Variants in CNOT7 observed in about 807,000 individuals in gnomAD.
CNOT7 encodes BTG1-binding factor 1.
In CNOT7, 4 loss-of-function variants were observed where a neutral mutation model predicts 37.1. The ratio of observed to expected loss-of-function variants is 0.11; its 90% CI spans 0.05 to 0.25. The LOEUF is 0.25. CNOT7 is among the 10% of genes least tolerant of loss of function. CNOT7 has a pLI of 1.00. For synonymous variants in CNOT7, 128 were observed against 115.6 expected (o/e 1.11, Z -0.69); for missense variants, 170 against 336.2 (o/e 0.51, Z 3.87).
At position 17,243,403 on chromosome 8, in the gene CNOT7, T is replaced by C. The variant is rs1810457555; in HGVS notation, c.118-218A>G. The C allele has an allele frequency of 6.3e-6, 4 of 636,008 alleles. No homozygotes were observed. In the South Asian group the frequency reaches 6.6e-5, roughly 11 times the overall value. 39.4% of individuals were successfully genotyped at this position (636,008 alleles called of 1,614,324 possible). ...TCCTTAAATATATCCAAAAAGTTAC[T>C]ATACGAGATACATGTGATAAATTTA... is the stretch of plus-strand genomic sequence containing the variant. On this transcript the variant is annotated intron_variant, in intron 2 of 6. Coordinates refer to ENST00000361272, the MANE Select transcript of CNOT7 (RefSeq NM_013354.7).
intron 6 of CNOT7, chr8:17,231,535 C>T: frequency 2.0e-6 from 2 of 985,074 alleles, no homozygotes; most frequent in Non-Finnish European, 2.4e-6. Context: ...AGCTTTAATG[C>T]TTTCTATTAT....
At chr8:17,244,854 C>A (rs1037419424) in intron 2 of CNOT7, 182 bp downstream of exon 2, 1 of 562,870 alleles carries the variant, frequency 1.8e-6, no homozygotes, top group African/African-American at 1.9e-5. Flanking sequence ...GAGGGATAAA[C>A]CCAACCTGTC....
chr8:17,226,179 G>C lies in CNOT7; in HGVS notation c.*4541C>G, dbSNP rs906091762. 6.6e-6 allele frequency: 1 copy of C among 150,882 alleles called. No individual in the cohort carries two copies. The highest frequency in any genetic ancestry group is 2.4e-5 in the African/African-American group (1 of 41,198). 9.3% of individuals were successfully genotyped at this position (150,882 alleles called of 1,614,324 possible). A position where few individuals can be genotyped will look rare whatever the true frequency, so the allele number is the denominator to read the frequency against. On this transcript the variant is annotated 3_prime_UTR_variant, in exon 7 of 7. Transcript: ENST00000361272. ...CTAAAAATTGAAAACTCAAAATATT[G>C]AGTACAATTTTTTTTTCTTTTTTTA...
chr8:17,244,823 T>G (rs1278792874), intron 2 of CNOT7: 3 of 467,302 alleles, frequency 6.4e-6, no homozygotes, highest in African/African-American at 6.0e-5. Context: ...TGAATTCCAG[T>G]GCGTTTTCCC....
Position 17,229,466 on chromosome 8 carries a change from A to G in CNOT7, c.*1254T>C, listed in dbSNP as rs1484827804. ...AACTTGTAGTCCATCATTTCGGGGT[A>G]GAGTTAATGATTACCGTAAAGTCTT... On this transcript the variant is annotated 3_prime_UTR_variant, in exon 7 of 7. Transcript: ENST00000361272. The G allele has an allele frequency of 2.0e-5, 3 of 152,304 alleles. No homozygotes were observed. Among genetic ancestry groups the G allele is most frequent in the African/African-American group, 4.8e-5 (2 of 41,414 alleles). The allele number at this position is 152,304 out of a possible 1,614,324, so 9.4% of individuals were successfully genotyped here. A position where few individuals can be genotyped will look rare whatever the true frequency, so the allele number is the denominator to read the frequency against.
Position 17,227,152 on chromosome 8 carries a change from A to C in CNOT7, c.*3568T>G, listed in dbSNP as rs1014342700. ...AATCAAGTGAGTAACTACAGGCTTT[A>C]AACAACTTACGTTTTCACAAGCCTT... On this transcript the variant is annotated 3_prime_UTR_variant, in exon 7 of 7. Coordinates refer to ENST00000361272, the MANE Select transcript of CNOT7 (RefSeq NM_013354.7). 1 of 151,908 alleles carries C rather than the reference A, an allele frequency of 6.6e-6. No homozygotes were observed. Among genetic ancestry groups the C allele is most frequent in the African/African-American group, 2.4e-5 (1 of 41,412 alleles). 9.4% of individuals were successfully genotyped at this position (151,908 alleles called of 1,614,324 possible). A position where few individuals can be genotyped will look rare whatever the true frequency, so the allele number is the denominator to read the frequency against.
intron 4 of CNOT7, among the ~76,000 whole-genome samples, chr8:17,235,253 A>G (rs1318616342): frequency 6.6e-6 from 1 of 152,246 alleles, no homozygotes; most frequent in Non-Finnish European, 1.5e-5. Flanking sequence ...AAACTTGGCC[A>G]GAAGAGTTAG....
intron 3 of CNOT7, among the ~76,000 whole-genome samples, chr8:17,238,652 AAC>A (rs1327928842): frequency 2.0e-5 from 3 of 152,212 alleles, no homozygotes; most frequent in African/African-American, 7.2e-5. Context: ...AGGGATAAAA[AAC>A]AGATTCTTCT....
rs1034158590 is a variant in CNOT7, at chr8:17,230,281, A to T, written c.*439T>A. 1 of 152,742 alleles carries T rather than the reference A, an allele frequency of 6.5e-6. No individual in the cohort carries two copies. The highest frequency in any genetic ancestry group is 2.4e-5 in the African/African-American group (1 of 41,432). The allele number at this position is 152,742 out of a possible 1,614,324, so 9.5% of individuals were successfully genotyped here. ...ATAAAACAGGTTTAGAGTCAGAAAC[A>T]CTCTCTAAAGTGCAAAACTGATGGT... is the stretch of plus-strand genomic sequence containing the variant. On this transcript the variant is annotated 3_prime_UTR_variant, in exon 7 of 7. Coordinates refer to ENST00000361272, the MANE Select transcript of CNOT7 (RefSeq NM_013354.7).
chr8:17,233,365 C>T lies in CNOT7; in HGVS notation c.619-828G>A, dbSNP rs544140517. On this transcript the variant is annotated intron_variant, in intron 5 of 6. Coordinates refer to ENST00000361272, the MANE Select transcript of CNOT7 (RefSeq NM_013354.7). The stretch of plus-strand genomic sequence containing the variant: ...AGTTGCTTCTGCGCTAAAAATAGCA[C>T]GAGGATTAGGTATCGTTAGCAGCTG... Among the ~76,000 whole-genome samples the T allele has an allele frequency of 5.9e-5, 9 of 152,248 alleles. No homozygotes were observed. In the South Asian group the frequency reaches 1.2e-3, roughly 21 times the overall value.
At chr8:17,239,494 A>G (rs1211696687) in intron 3 of CNOT7, among the ~76,000 whole-genome samples, 2 of 152,176 alleles carry the variant, frequency 1.3e-5, no homozygotes, top group African/African-American at 2.4e-5. Flanking sequence ...TGCAATCACC[A>G]AAAGTGATTT....
At chr8:17,232,385 A>G in intron 6 of CNOT7, 42 bp downstream of exon 6, 1 of 1,613,272 alleles carries the variant, frequency 6.2e-7, no homozygotes, top group Non-Finnish European at 8.5e-7. Flanking sequence ...AATGTTCTCA[A>G]CCTAACAACC....
intron 6 of CNOT7, chr8:17,231,833 T>C (rs1432701961): frequency 1.0e-6 from 1 of 985,654 alleles, no homozygotes; most frequent in Non-Finnish European, 1.2e-6. Flanking sequence ...TAAGGAGGGT[T>C]TTCCTAATAT....
In CNOT7 at chr8:17,228,617, G is replaced by A. The variant is rs570191630; in HGVS notation, c.*2103C>T. On this transcript the variant is annotated 3_prime_UTR_variant, in exon 7 of 7. Transcript: ENST00000361272. ...TAAGGCGCTCCTAAACTTTTGATGG[G>A]GTTACCTCTCAATACACCCACTGTA... 6.6e-6 allele frequency: 1 copy of A among 151,792 alleles called. No individual in the cohort carries two copies. 9.4% of individuals were successfully genotyped at this position (151,792 alleles called of 1,614,324 possible). A position where few individuals can be genotyped will look rare whatever the true frequency, so the allele number is the denominator to read the frequency against.
At chr8:17,243,399 T>C in intron 2 of CNOT7, 1 of 635,488 alleles carries the variant, frequency 1.6e-6, no homozygotes, top group South Asian at 1.7e-5. Flanking sequence ...ATCCAAAAAG[T>C]TACTATACGA....
rs1219452358 is a variant in CNOT7 at position 17,245,078 on chromosome 8, C to G, written c.75G>C (p.Lys25Asn). ...ATTTTCGGATAACTTGACGAATTTT[C>G]TTCATCTCTTCATCCAAGTTGCAAG... ...VWACNLDEEM[K>N]KIRQVIRKYN... The change falls in exon 2 of 7, where the codon AAG becomes AAC. Residue 25 changes from lysine (K) to asparagine (N), a missense_variant. Physicochemically the swap from Lys to Asn is moderately conservative, Grantham distance 94. Around this residue, in one of 6 missense-constraint regions of CNOT7, gnomAD observed 38 missense variants for 36.9 expected, o/e 1.03. Coordinates refer to ENST00000361272, the MANE Select transcript of CNOT7 (RefSeq NM_013354.7). 1 of 1,613,682 alleles carries G rather than the reference C, an allele frequency of 6.2e-7. No individual in the cohort carries two copies. Among genetic ancestry groups the G allele is most frequent in the Non-Finnish European group, 8.5e-7 (1 of 1,179,824 alleles).
rs576744108 is a variant in CNOT7, at chr8:17,231,296, C to G, written c.730-448G>C. 2.6e-5 allele frequency among the ~76,000 whole-genome samples: 4 copies of G among 152,214 alleles called. No homozygotes were observed. In the South Asian group the frequency reaches 8.3e-4, roughly 32 times the overall value. ...ACAGTAAAATCCAAACATTCACACT[C>G]TATTACTGTCCTTGAAGAAGCCAAG... On this transcript the variant is annotated intron_variant, in intron 6 of 6. Coordinates refer to ENST00000361272, the MANE Select transcript of CNOT7 (RefSeq NM_013354.7).
At chr8:17,245,341 A>C (rs1272992754) in intron 1 of CNOT7, 94 bp from the exon 2 acceptor site, 1 of 559,790 alleles carries the variant, frequency 1.8e-6, no homozygotes, top group Non-Finnish European at 2.8e-6. Context: ...TTATTTATTC[A>C]AAGTTCTTGA....
At chr8:17,245,347 C>CT (rs1193383120) in intron 1 of CNOT7, 100 bp from the exon 2 acceptor site, 2 of 502,880 alleles carry the variant, frequency 4.0e-6, no homozygotes, top group East Asian at 7.4e-5. Context: ...ATTCAAAGTT[C>CT]TTGACTCATA....
Sources: gnomAD v4.1 joint callset for allele counts (sites outside exome capture counted in the v4.1 genomes callset) on GRCh38, gnomAD v4.1.1 for gene constraint, gnomAD v4.1.1 regional missense constraint, MANE v1.5 for transcripts, NCBI Gene and HGNC (gene_info 2026-07-23, HGNC 2026-07-21) for gene names.